NCOA5: variants seen among roughly 807,000 people sequenced by gnomAD.
NCOA5 encodes nuclear receptor coactivator 5, also known as NCoA-5.
In NCOA5, 12 loss-of-function variants were observed where a neutral mutation model predicts 59.0. That is an observed-to-expected ratio of 0.20 (90% CI 0.13 to 0.33). NCOA5 has a LOEUF of 0.33. Ranked by LOEUF, NCOA5 falls within the 10% of genes least tolerant of loss-of-function variation. NCOA5 has a pLI of 1.00. For synonymous variants in NCOA5, 270 were observed against 275.5 expected, an observed-to-expected ratio of 0.98 and a Z score of 0.20; for missense variants, 655 against 766.6, an observed-to-expected ratio of 0.85 and a Z score of 1.72.
rs111295797 is a variant in NCOA5, at chr20:46,076,567, CT to C, written c.38+2819del. Among the ~76,000 whole-genome samples the C allele has an allele frequency of 9.1e-3, 1,242 of 136,940 alleles. 15 individuals are homozygous for C. Among genetic ancestry groups the C allele is most frequent in the African/African-American group, 0.025 (930 of 37,528 alleles). The allele number at this position is 136,940 out of a possible 152,430, so 89.8% of individuals were successfully genotyped here. Reference sequence around the variant, plus strand: ...ATTTTGAATACAATGTTAAATTTGTCTTTTTTTTTTTTTAAGGTAAAAAACT... The same window carrying C: ...ATTTTGAATACAATGTTAAATTTGTCTTTTTTTTTTTTAAGGTAAAAAACT... On this transcript the variant is annotated intron_variant, in intron 2 of 7. Coordinates refer to ENST00000290231, the MANE Select transcript of NCOA5 (RefSeq NM_020967.3).
Position 46,062,646 on chromosome 20 carries a change from A to G in NCOA5, c.1394T>C (p.Phe465Ser). 2 of 1,614,106 alleles carry G rather than the reference A, an allele frequency of 1.2e-6. No individual in the cohort carries two copies. The highest frequency in any genetic ancestry group is 1.7e-6 in the Non-Finnish European group (2 of 1,180,016). Residue 465 changes from phenylalanine to serine, a missense_variant, in exon 8 of 8, where the codon TTT becomes TCT. Coordinates refer to ENST00000290231, the MANE Select transcript of NCOA5 (RefSeq NM_020967.3). ...AGGCTGGCTGTTTGCTGCTGTGGAA[A>G]AATTCTGGTTTGGGGTGTTTCCGGC... The part of the protein sequence containing the change: ...VAAGNTPNQN[F>S]STAANSQPQQ...
chr20:46,063,379 GCTC>G lies in NCOA5; in HGVS notation c.1128_1130del (p.Arg376del). On this transcript the variant is annotated inframe_deletion, in exon 7 of 8. Transcript: ENST00000290231. Reference sequence around the variant, plus strand: ...GCTCACCAGGCAGAGAGTCGGTGCTGCTCCTCATCAGCCGCTCCTTCCGCTCTC... The same window carrying G: ...GCTCACCAGGCAGAGAGTCGGTGCTGCTCATCAGCCGCTCCTTCCGCTCTC... 6.2e-7 allele frequency: 1 copy of G among 1,613,244 alleles called. No homozygotes were observed. The highest frequency in any genetic ancestry group is 8.5e-7 in the Non-Finnish European group (1 of 1,180,026).
chr20:46,063,740 T>G (rs2084792834), intron 6 of NCOA5, 60 bp from the exon 7 acceptor site: 1 of 1,502,664 alleles, frequency 6.7e-7, no homozygotes. Context: ...GCCCACCTGC[T>G]GCACTCTGTC....
intron 2 of NCOA5, among the ~76,000 whole-genome samples, chr20:46,071,054 T>C (rs960305289): frequency 1.3e-5 from 2 of 152,012 alleles, no homozygotes; most frequent in Admixed American, 6.5e-5. Flanking sequence ...ACAATCTGTT[T>C]CTCTGTTTTG....
chr20:46,083,244 T>C (rs1006613278), intron 1 of NCOA5, among the ~76,000 whole-genome samples: 5 of 152,180 alleles, frequency 3.3e-5, no homozygotes, highest in Non-Finnish European at 7.4e-5. Context: ...GATCTTTTCC[T>C]GACGTTCTGC....
At position 46,066,987 on chromosome 20, in the gene NCOA5, T is replaced by A. The variant is rs971081769; in HGVS notation, c.629+68A>T. ...ACAGCTCAGATTCAGTGGATAGAGG[T>A]GCTAAACAGGAGCCTGAATTTCTCT... On this transcript the variant is annotated intron_variant, in intron 5 of 7. Transcript: ENST00000290231. 11 of 1,557,754 alleles carry A rather than the reference T, an allele frequency of 7.1e-6. No homozygotes were observed. The African/African-American group carries it at 8.2e-5, about 12-fold the overall frequency.
At chr20:46,074,942 ACCGGAATG>A (rs1171465380) in intron 2 of NCOA5, among the ~76,000 whole-genome samples, 4 of 152,254 alleles carry the variant, frequency 2.6e-5, no homozygotes, top group African/African-American at 9.6e-5. Flanking sequence ...CTTTCTGTTC[ACCGGAATG>A]TCTTCCTTGG....
rs1398953958 is a variant in NCOA5, at chr20:46,074,188, C to A, written c.39-3652G>T. On this transcript the variant is annotated intron_variant, in intron 2 of 7. Coordinates refer to ENST00000290231, the MANE Select transcript of NCOA5 (RefSeq NM_020967.3). ...TGCTTTAGGACCCAAACAAAGAACT[C>A]CTCAGAACAAAAGGGCTCCTGCTGC... Among the ~76,000 whole-genome samples, 3 of 152,274 alleles carry A rather than the reference C, an allele frequency of 2.0e-5. No individual in the cohort carries two copies. In the Middle Eastern group the frequency reaches 0.01, roughly 518 times the overall value.
chr20:46,069,798 T>C (rs1341029607), intron 3 of NCOA5, among the ~76,000 whole-genome samples: 2 of 152,222 alleles, frequency 1.3e-5, no homozygotes, highest in Non-Finnish European at 2.9e-5. Context: ...TTTTGGTTAT[T>C]GTGAATAGTA....
chr20:46,066,539 C>T (rs1450299540), intron 5 of NCOA5, among the ~76,000 whole-genome samples: 1 of 152,192 alleles, frequency 6.6e-6, no homozygotes, highest in Non-Finnish European at 1.5e-5. Context: ...CATGACTTAG[C>T]CCTGGCCAAT....
chr20:46,062,402 G>A lies in NCOA5; in HGVS notation c.1638C>T (p.Thr546=). The A allele has an allele frequency of 1.2e-6, 2 of 1,614,066 alleles. No homozygotes were observed. Among genetic ancestry groups the A allele is most frequent in the African/African-American group, 1.3e-5 (1 of 75,042 alleles). ...AGAGAGCAGGGCCACTCTGGATCAG[G>A]GTATCCAGAGCCTTCTGTACACTTG... ...DNPSVQKALD[T]LIQSGPALSH... is the part of the protein sequence containing the mutation. Residue 546 remains threonine (T), a synonymous_variant, in exon 8 of 8, where the codon ACC becomes ACT. Transcript: ENST00000290231.
chr20:46,077,411 C>T (rs2084949039), intron 2 of NCOA5, among the ~76,000 whole-genome samples: 1 of 152,178 alleles, frequency 6.6e-6, no homozygotes, highest in Admixed American at 6.5e-5. Flanking sequence ...TGAATATCTA[C>T]AATCAACTAG....
chr20:46,084,940 T>C (rs1302471884), intron 1 of NCOA5, among the ~76,000 whole-genome samples: 2 of 152,258 alleles, frequency 1.3e-5, no homozygotes, highest in Admixed American at 6.5e-5. Flanking sequence ...GAATGCTTCA[T>C]TGATTCATAA....
Position 46,062,720 on chromosome 20 carries a change from A to G in NCOA5, c.1320T>C (p.Asn440=). 6.2e-7 allele frequency: 1 copy of G among 1,613,848 alleles called. No homozygotes were observed. Residue 440 remains asparagine, a synonymous_variant, in exon 8 of 8, where the codon AAT becomes AAC. Transcript: ENST00000290231. ...ELQAKILSLF[N]SGTVTANSSS... is the part of the protein sequence containing the mutation. Reference sequence around the variant, plus strand: ...TGCTATTGGCCGTCACTGTGCCACTATTGAAGAGGCTGAGGATTTTGGCCT... The same window carrying G: ...TGCTATTGGCCGTCACTGTGCCACTGTTGAAGAGGCTGAGGATTTTGGCCT...
Position 46,066,727 on chromosome 20 carries a change from C to T in NCOA5, c.629+328G>A, listed in dbSNP as rs144884206. Reference sequence around the variant, plus strand: ...CAGGGCCAGTGCCATTCTGCCTCTTCAAGCACAAAACCTGCCTGAGAACAA... The same window carrying T: ...CAGGGCCAGTGCCATTCTGCCTCTTTAAGCACAAAACCTGCCTGAGAACAA... On this transcript the variant is annotated intron_variant, in intron 5 of 7. Coordinates refer to ENST00000290231, the MANE Select transcript of NCOA5 (RefSeq NM_020967.3). 5.8e-3 allele frequency among the ~76,000 whole-genome samples: 890 copies of T among 152,336 alleles called. 13 individuals are homozygous for T. Among genetic ancestry groups the T allele is most frequent in the African/African-American group, 0.02 (846 of 41,574 alleles).
intron 2 of NCOA5, among the ~76,000 whole-genome samples, chr20:46,071,175 A>AC (rs2084879078): frequency 2.0e-5 from 3 of 151,614 alleles, no homozygotes; most frequent in Non-Finnish European, 4.4e-5. Context: ...ACAAAACAAA[A>AC]AAACAACCTG....
chr20:46,083,797 G>A (rs2085017939), intron 1 of NCOA5, among the ~76,000 whole-genome samples: 2 of 152,318 alleles, frequency 1.3e-5, no homozygotes, highest in East Asian at 1.9e-4. Flanking sequence ...CAAATTGGGA[G>A]GGGAAATGAC....
At chr20:46,082,644 T>C (rs976783848) in intron 1 of NCOA5, among the ~76,000 whole-genome samples, 19 of 152,222 alleles carry the variant, frequency 1.2e-4, no homozygotes, top group African/African-American at 4.6e-4. Flanking sequence ...ACTAGCAATG[T>C]GAATGCCATT....
chr20:46,087,976 C>CAT (rs1420905430), intron 1 of NCOA5, among the ~76,000 whole-genome samples: 1 of 151,300 alleles, frequency 6.6e-6, no homozygotes, highest in East Asian at 2.0e-4. Flanking sequence ...CACACACACA[C>CAT]ATATATATAC....
Sources: allele counts gnomAD v4.1 joint callset (sites outside exome capture counted in the v4.1 genomes callset), GRCh38; gene constraint gnomAD v4.1.1; transcripts MANE v1.5; gene names NCBI Gene and HGNC (gene_info 2026-07-23, HGNC 2026-07-21).